The following PCDHGA1 variants were observed in gnomAD, a reference collection of about 807,000 sequenced individuals.
The protein encoded by PCDHGA1 is protocadherin gamma-A1.
A neutral mutation model predicts 58.0 loss-of-function variants in PCDHGA1; 32 were observed. That is an observed-to-expected ratio of 0.55 (90% CI 0.42 to 0.74). The LOEUF (loss-of-function observed/expected upper bound fraction) is 0.74, where lower values mean the gene tolerates loss of function less well. PCDHGA1 is among the 30% of genes least tolerant of loss of function. The pLI, the probability that PCDHGA1 is intolerant of heterozygous loss-of-function variation, is 0.00. For missense variants in PCDHGA1, 1,205 were observed against 1,182.3 expected (o/e 1.02, Z -0.28); for synonymous variants, 498 against 501.1 (o/e 0.99, Z 0.08).
chr5:141,339,901 G>A (rs549994671), intron 1 of PCDHGA1: 5 of 1,614,116 alleles, frequency 3.1e-6, no homozygotes, highest in East Asian at 4.5e-5. Flanking sequence ...TAGATTATGA[G>A]GATGCTACAT....
intron 1 of PCDHGA1, chr5:141,405,445 A>G: frequency 7.3e-7 from 1 of 1,360,898 alleles, no homozygotes; most frequent in Non-Finnish European, 1.0e-6. Context: ...TTTGAGACAG[A>G]GTCTTACTCT....
intron 1 of PCDHGA1, chr5:141,421,935 A>G: frequency 6.2e-7 from 1 of 1,613,514 alleles, no homozygotes; most frequent in East Asian, 2.2e-5. Context: ...TCCTCGATGT[A>G]AATGATCACA....
rs778067452 is a variant in PCDHGA1, at chr5:141,364,597, G to C, written c.2421+31492G>C. 4.3e-6 allele frequency: 7 copies of C among 1,614,088 alleles called. No individual in the cohort carries two copies. The highest frequency in any genetic ancestry group is 5.1e-6 in the Non-Finnish European group (6 of 1,180,016). ...GCGGCAGCTTGGTCACCGCGGGCAG[G>C]ATAGACCGGGAGGAGCTCTGCGCTC... On this transcript the variant is annotated intron_variant, in intron 1 of 3. Transcript: ENST00000517417.
intron 1 of PCDHGA1, chr5:141,371,668 C>A: frequency 6.2e-7 from 1 of 1,614,026 alleles, no homozygotes; most frequent in Middle Eastern, 1.6e-4. Context: ...ATCACAGCTA[C>A]CGACAAAGGC....
chr5:141,436,487 A>G (rs2097826897), intron 1 of PCDHGA1, among the ~76,000 whole-genome samples: 2 of 152,196 alleles, frequency 1.3e-5, no homozygotes, highest in Non-Finnish European at 2.9e-5. Context: ...GAAGGATAGC[A>G]GCTTTGCAAT....
chr5:141,448,099 T>C (rs1002430560), intron 1 of PCDHGA1, among the ~76,000 whole-genome samples: 1 of 151,272 alleles, frequency 6.6e-6, no homozygotes, highest in African/African-American at 2.4e-5. Context: ...AAAAAAAAAA[T>C]TAAAAGAAAA....
At chr5:141,359,901 C>T in intron 1 of PCDHGA1, 1 of 404,924 alleles carries the variant, frequency 2.5e-6, no homozygotes, top group Non-Finnish European at 4.3e-6. Flanking sequence ...TATTGACAAG[C>T]CATTAGTGCA....
chr5:141,380,304 C>T (rs1241911160), intron 1 of PCDHGA1, among the ~76,000 whole-genome samples: 3 of 151,974 alleles, frequency 2.0e-5, no homozygotes, highest in Non-Finnish European at 2.9e-5. Flanking sequence ...TATATCTTTG[C>T]TTGAGAATGA....
At position 141,431,421 on chromosome 5, in the gene PCDHGA1, T is replaced by A. The variant is rs2097372202; in HGVS notation, c.2422-63386T>A. On this transcript the variant is annotated intron_variant, in intron 1 of 3. Transcript: ENST00000517417. The surrounding 1 kb of genome is among the most constrained non-coding windows in gnomAD (Gnocchi z 4.8). The stretch of plus-strand genomic sequence containing the variant: ...ACGGCCTCCGACGGGGGCGACCCGG[T>A]GCGCACAGGCACCGCGCGCATCCGC... 1 of 1,613,580 alleles carries A rather than the reference T, an allele frequency of 6.2e-7. No individual in the cohort carries two copies. The highest frequency in any genetic ancestry group is 1.1e-5 in the South Asian group (1 of 91,082).
intron 1 of PCDHGA1, among the ~76,000 whole-genome samples, chr5:141,336,734 A>T (rs577893535): frequency 6.6e-6 from 1 of 152,340 alleles, no homozygotes; most frequent in East Asian, 1.9e-4. Context: ...TTTGGCAATG[A>T]TTTCTTGGAT....
At position 141,408,231 on chromosome 5, in the gene PCDHGA1, G is replaced by C. The variant is rs775180708; in HGVS notation, c.2421+75126G>C. 1.0e-5 allele frequency: 16 copies of C among 1,567,976 alleles called. No individual in the cohort carries two copies. The highest frequency in any genetic ancestry group is 1.2e-5 in the Non-Finnish European group (14 of 1,156,162). ...GGAGGGAGCTGCGCGCAGAGGCGCC[G>C]GGCCGGCCCGCGGCAGGTGCTATTT... is the stretch of plus-strand genomic sequence containing the variant. On this transcript the variant is annotated intron_variant, in intron 1 of 3. Transcript: ENST00000517417.
Position 141,491,000 on chromosome 5 carries a change from C to T in PCDHGA1, c.2422-3807C>T. 6.2e-7 allele frequency: 1 copy of T among 1,614,142 alleles called. No homozygotes were observed. The highest frequency in any genetic ancestry group is 1.1e-5 in the South Asian group (1 of 91,086). On this transcript the variant is annotated intron_variant, in intron 1 of 3. Transcript: ENST00000517417. The surrounding 1 kb of genome is among the most constrained non-coding windows in gnomAD (Gnocchi z 5.4). ...CTCCCTCGCTCTGCTCCTCCTGGCTCCTTGGTCACCAAGGTGACAGCCGTG... is the reference window on the plus strand; with the variant it reads ...CTCCCTCGCTCTGCTCCTCCTGGCTTCTTGGTCACCAAGGTGACAGCCGTG...
At chr5:141,384,011 T>C in intron 1 of PCDHGA1, 1 of 1,613,766 alleles carries the variant, frequency 6.2e-7, no homozygotes, top group Non-Finnish European at 8.5e-7. Context: ...CTTTTCTACC[T>C]ACAAGACAGA....
chr5:141,401,000 C>T (rs113065470), intron 1 of PCDHGA1, among the ~76,000 whole-genome samples: 2 of 152,218 alleles, frequency 1.3e-5, no homozygotes, highest in Non-Finnish European at 2.9e-5. Flanking sequence ...CTTTCTTATT[C>T]CTACCTAATG....
chr5:141,402,816 C>T, intron 1 of PCDHGA1: 1 of 1,261,762 alleles, frequency 7.9e-7, no homozygotes, highest in South Asian at 1.7e-5. Flanking sequence ...ATACCACAAA[C>T]CTGCTCCCAG....
At chr5:141,351,406 T>G in intron 1 of PCDHGA1, 1 of 1,611,514 alleles carries the variant, frequency 6.2e-7, no homozygotes. Flanking sequence ...CATGCTATAC[T>G]CAGGAAGAAG....
At chr5:141,355,767 T>G (rs1267055965) in intron 1 of PCDHGA1, 2 of 1,613,898 alleles carry the variant, frequency 1.2e-6, no homozygotes, top group East Asian at 4.5e-5. Context: ...CCGATGGGAT[T>G]AAGTACCCAG....
intron 1 of PCDHGA1, chr5:141,414,753 T>A: frequency 6.2e-7 from 1 of 1,614,202 alleles, no homozygotes; most frequent in Non-Finnish European, 8.5e-7. Flanking sequence ...CCTTCGACTA[T>A]GAGCAGTTTC....
Position 141,487,642 on chromosome 5 carries a change from G to A in PCDHGA1, c.2422-7165G>A, listed in dbSNP as rs747328649. 1.2e-6 allele frequency: 2 copies of A among 1,614,130 alleles called. No individual in the cohort carries two copies. The highest frequency in any genetic ancestry group is 1.3e-5 in the African/African-American group (1 of 75,062). On this transcript the variant is annotated intron_variant, in intron 1 of 3. Transcript: ENST00000517417. This position sits in a 1 kb window ranked among gnomAD's most constrained non-coding sequence, Gnocchi z 5.0. ...TGAGACCTTTGCAGGCTCAACAAAT[G>A]CTTGAGGGTTATTCTGATCCAGGCA...
Sources: gnomAD v4.1 joint callset for allele counts (sites outside exome capture counted in the v4.1 genomes callset) on GRCh38, gnomAD v4.1.1 for gene constraint, Gnocchi (gnomAD v3.1) non-coding constraint, MANE v1.5 for transcripts, NCBI Gene and HGNC (gene_info 2026-07-23, HGNC 2026-07-21) for gene names.